Variants in RUNX1T1 observed in about 807,000 individuals in gnomAD.
RUNX1T1 encodes protein CBFA2T1.
In RUNX1T1, 4 loss-of-function variants were observed where a neutral mutation model predicts 62.8. The ratio of observed to expected loss-of-function variants is 0.06; its 90% CI spans 0.03 to 0.15. RUNX1T1 has a LOEUF of 0.15. Ranked by LOEUF, RUNX1T1 falls within the 10% of genes least tolerant of loss-of-function variation. RUNX1T1 has a pLI of 1.00. For synonymous variants in RUNX1T1, 291 were observed against 286.0 expected (o/e 1.02, Z -0.18); for missense variants, 508 against 754.3 (o/e 0.67, Z 3.82).
intron 5 of RUNX1T1, among the ~76,000 whole-genome samples, chr8:92,001,176 A>G (rs1819680760): frequency 6.6e-6 from 1 of 152,266 alleles, no homozygotes; most frequent in African/African-American, 2.4e-5. Context: ...AAAAATACAG[A>G]TAACATCCCA....
chr8:92,053,195 T>G (rs1051097165), intron 1 of RUNX1T1, among the ~76,000 whole-genome samples: 4 of 151,926 alleles, frequency 2.6e-5, no homozygotes, highest in African/African-American at 7.2e-5. Context: ...CGCTCTAGAG[T>G]CTTTAAGATA....
intron 9 of RUNX1T1, among the ~76,000 whole-genome samples, chr8:91,972,704 G>A (rs944198143): frequency 6.6e-6 from 1 of 152,018 alleles, no homozygotes; most frequent in Non-Finnish European, 1.5e-5. Context: ...AATTGTATAT[G>A]CAAATCAGGC....
At chr8:92,049,955 T>A (rs937249045) in intron 1 of RUNX1T1, among the ~76,000 whole-genome samples, 2 of 152,212 alleles carry the variant, frequency 1.3e-5, no homozygotes, top group Admixed American at 6.5e-5. Flanking sequence ...TTATGTCTAA[T>A]AACTATGCAA....
intron 1 of RUNX1T1, among the ~76,000 whole-genome samples, chr8:92,084,627 A>C (rs920826846): frequency 1.1e-4 from 17 of 152,286 alleles, no homozygotes; most frequent in African/African-American, 4.1e-4. Flanking sequence ...ACCAGCAGAG[A>C]AGTCTGAATT....
chr8:91,964,913 C>T (rs577486856), intron 10 of RUNX1T1, among the ~76,000 whole-genome samples: 1 of 152,238 alleles, frequency 6.6e-6, no homozygotes, highest in South Asian at 2.1e-4. Flanking sequence ...GGCTTTAGAA[C>T]CACAAGCCAC....
At chr8:91,955,209 G>A, downstream of RUNX1T1, 1 of 219,448 alleles carries the variant, frequency 4.6e-6, no homozygotes, top group Middle Eastern at 1.4e-3. Context: ...TTTCCTATTT[G>A]TCCAACATAT....
chr8:92,023,327 T>C (rs976230506), intron 1 of RUNX1T1, among the ~76,000 whole-genome samples: 15 of 152,232 alleles, frequency 9.9e-5, no homozygotes, highest in African/African-American at 3.6e-4. Flanking sequence ...TTTCTTTCTA[T>C]AGATATGGCT....
intron 5 of RUNX1T1, among the ~76,000 whole-genome samples, chr8:92,001,959 C>T (rs189044259): frequency 4.6e-5 from 7 of 152,268 alleles, no homozygotes; most frequent in Admixed American, 3.3e-4. Flanking sequence ...CGAGTCACCA[C>T]GGTGAGCAGT....
At chr8:92,080,111 G>T (rs1438897422) in intron 1 of RUNX1T1, among the ~76,000 whole-genome samples, 1 of 151,760 alleles carries the variant, frequency 6.6e-6, no homozygotes, top group Non-Finnish European at 1.5e-5. Flanking sequence ...CTCTGTGAGA[G>T]CTAGGGTCTC....
intron 6 of RUNX1T1, among the ~76,000 whole-genome samples, 173 bp from the exon 8 acceptor site, chr8:91,987,145 A>C (rs1350057136): frequency 6.6e-6 from 1 of 152,214 alleles, no homozygotes. Flanking sequence ...TCCTCATAGA[A>C]TGATAAAATA....
intron 1 of RUNX1T1, among the ~76,000 whole-genome samples, chr8:92,058,344 T>G (rs1831375222): frequency 6.6e-6 from 1 of 152,180 alleles, no homozygotes; most frequent in Non-Finnish European, 1.5e-5. Flanking sequence ...GTTCCCTAAT[T>G]CCCAAACAAT....
At chr8:92,102,922 C>G, upstream of RUNX1T1, 1 of 1,510,648 alleles carries the variant, frequency 6.6e-7, no homozygotes, top group Non-Finnish European at 8.8e-7. The surrounding 1 kb of genome is among the most constrained non-coding windows in gnomAD (Gnocchi z 4.5). Flanking sequence ...AACTTCCCGT[C>G]GTCTCGGCCG....
At chr8:92,096,791 A>C (rs368097082) in intron 1 of RUNX1T1, among the ~76,000 whole-genome samples, 2 of 152,278 alleles carry the variant, frequency 1.3e-5, no homozygotes, top group East Asian at 3.9e-4. Flanking sequence ...AATGGGGATG[A>C]AGGGTAAGGC....
intron 1 of RUNX1T1, among the ~76,000 whole-genome samples, chr8:92,032,093 C>CA (rs59047751): frequency 0.073 from 2,138 of 29,206 alleles, 185 homozygotes; most frequent in East Asian, 0.16. Context: ...AATCCTGTCT[C>CA]AAAAAAAAAA....
intron 10 of RUNX1T1, 141 bp from the exon 12 acceptor site, chr8:91,960,658 G>A: frequency 1.2e-6 from 1 of 859,426 alleles, no homozygotes; most frequent in South Asian, 1.7e-5. Context: ...GTTCACGTAT[G>A]GATACAAACA....
At chr8:92,101,226 G>A (rs910106502), upstream of RUNX1T1, among the ~76,000 whole-genome samples, 1 of 152,218 alleles carries the variant, frequency 6.6e-6, no homozygotes, top group African/African-American at 2.4e-5. Context: ...GAATGCTTTG[G>A]TCAGAAACCC....
At chr8:92,099,672 G>T in exon 1 of RUNX1T1, 1 of 984,922 alleles carries the variant, frequency 1.0e-6, no homozygotes, top group Non-Finnish European at 1.2e-6. Context: ...GCTATGAAGG[G>T]CTATGTTGCC....
At chr8:92,000,775 TA>T (rs1387059493) in intron 5 of RUNX1T1, among the ~76,000 whole-genome samples, 1 of 152,186 alleles carries the variant, frequency 6.6e-6, no homozygotes, top group East Asian at 1.9e-4. Flanking sequence ...CTTCTGTCGT[TA>T]AAAATATATA....
rs67366711 is a variant in RUNX1T1, at chr8:91,981,404, C to CTTTT, written c.1198+4716_1198+4719dup. On this transcript the variant is annotated intron_variant, in intron 8 of 10. Coordinates refer to ENST00000396218, the Ensembl canonical transcript of RUNX1T1. ...TTCAACAAACTCCTAAGTTACTAAG[C>CTTTT]TTTTTTTTTTTTTTTTTTTTTTTTT... Among the ~76,000 whole-genome samples, 433 of 63,882 alleles carry CTTTT rather than the reference C, an allele frequency of 6.8e-3. 91 individuals carry two copies. The highest frequency in any genetic ancestry group is 8.5e-3 in the Non-Finnish European group (294 of 34,714). 41.9% of individuals were successfully genotyped at this position (63,882 alleles called of 152,430 possible).
Sources: allele counts gnomAD v4.1 joint callset (sites outside exome capture counted in the v4.1 genomes callset), GRCh38; gene constraint gnomAD v4.1.1; non-coding constraint Gnocchi (gnomAD v3.1); transcripts MANE v1.5; gene names NCBI Gene and HGNC (gene_info 2026-07-23, HGNC 2026-07-21).